The following SEL1L3 variants were observed in gnomAD, a reference collection of about 807,000 sequenced individuals.
SEL1L3 encodes protein sel-1 homolog 3.
Under a neutral mutation model 142.8 loss-of-function variants are expected in SEL1L3, and 76 were observed. The observed-to-expected ratio is 0.53, with a 90% confidence interval of 0.44 to 0.64. The LOEUF is 0.64. Ranked by LOEUF, SEL1L3 falls within the 30% of genes least tolerant of loss-of-function variation. The pLI, the probability that SEL1L3 is intolerant of heterozygous loss-of-function variation, is 0.00. For synonymous variants in SEL1L3, 504 were observed against 519.6 expected (o/e 0.97, Z 0.41); for missense variants, 1,262 against 1,381.7 (o/e 0.91, Z 1.37).
intron 1 of SEL1L3, among the ~76,000 whole-genome samples, chr4:25,849,758 C>T (rs1483056347): frequency 1.3e-5 from 2 of 152,176 alleles, no homozygotes; most frequent in Non-Finnish European, 2.9e-5. Flanking sequence ...AATAAGGACT[C>T]CTTTTTTCAA....
chr4:25,739,477 A>C, the SEL1L3 span, among the ~76,000 whole-genome samples: 6 of 151,960 alleles, frequency 3.9e-5, no homozygotes, highest in Admixed American at 3.3e-4. Flanking sequence ...GAGGCCGAGG[A>C]GGGTAGATCA....
chr4:25,791,096 A>T (rs1478287024), intron 11 of SEL1L3, among the ~76,000 whole-genome samples: 1 of 152,234 alleles, frequency 6.6e-6, no homozygotes, highest in Non-Finnish European at 1.5e-5. Flanking sequence ...ACTTCGTGCA[A>T]CTGATTTCAG....
chr4:25,727,059 CT>C, the SEL1L3 span, among the ~76,000 whole-genome samples: 24 of 145,024 alleles, frequency 1.7e-4, no homozygotes, highest in Admixed American at 3.5e-4. Flanking sequence ...TTTTAATTTT[CT>C]TTTTTTTTTT....
rs183406145 is a variant in SEL1L3, at chr4:25,861,416, T to C, written c.162+1259A>G. ...TCAACAGGTAGATGCACAGGCAGAA[T>C]TATAATTTGCATTTTTACACCTTCT... On this transcript the variant is annotated intron_variant, in intron 1 of 23. Coordinates refer to ENST00000399878, the MANE Select transcript of SEL1L3 (RefSeq NM_015187.5). Among the ~76,000 whole-genome samples the C allele has an allele frequency of 2.3e-4, 35 of 152,324 alleles. No homozygotes were observed. In the East Asian group the frequency reaches 6.6e-3, roughly 29 times the overall value.
At chr4:25,742,643 T>C (rs950206913), downstream of SEL1L3, among the ~76,000 whole-genome samples, 1 of 152,224 alleles carries the variant, frequency 6.6e-6, no homozygotes, top group Non-Finnish European at 1.5e-5. Flanking sequence ...AATGAGTTCA[T>C]AGTTTGGTTA....
At chr4:25,741,732 G>A in the SEL1L3 span, among the ~76,000 whole-genome samples, 1 of 151,916 alleles carries the variant, frequency 6.6e-6, no homozygotes, top group Non-Finnish European at 1.5e-5. Context: ...AGAGAAATCT[G>A]TATTTTTATA....
At chr4:25,814,656 TGGA>T (rs1266214703) in intron 9 of SEL1L3, among the ~76,000 whole-genome samples, 2 of 149,604 alleles carry the variant, frequency 1.3e-5, no homozygotes, top group African/African-American at 5.1e-5. Flanking sequence ...AGGAAGAACT[TGGA>T]ACGAAGGGTA....
intron 9 of SEL1L3, among the ~76,000 whole-genome samples, chr4:25,812,698 G>A (rs1050436092): frequency 2.1e-5 from 3 of 141,598 alleles, no homozygotes; most frequent in African/African-American, 8.0e-5. Flanking sequence ...GGCAACAAGA[G>A]TGAAACTCTG....
chr4:25,805,818 C>T (rs919783568), intron 9 of SEL1L3, among the ~76,000 whole-genome samples: 1 of 152,192 alleles, frequency 6.6e-6, no homozygotes, highest in African/African-American at 2.4e-5. Context: ...ATACTATTTA[C>T]ATTTAACTTA....
intron 9 of SEL1L3, among the ~76,000 whole-genome samples, chr4:25,814,984 G>C (rs1225088589): frequency 1.3e-5 from 2 of 152,106 alleles, no homozygotes; most frequent in Non-Finnish European, 2.9e-5. Flanking sequence ...GTGACCTAGA[G>C]AAAGAGGTGC....
At chr4:25,778,319 A>T (rs1264469168) in intron 16 of SEL1L3, among the ~76,000 whole-genome samples, 5 of 152,220 alleles carry the variant, frequency 3.3e-5, no homozygotes, top group African/African-American at 1.2e-4. Context: ...GATGTCACCA[A>T]GAAGGTTAAA....
At chr4:25,837,018 A>T (rs1333462395) in intron 2 of SEL1L3, among the ~76,000 whole-genome samples, 2 of 152,126 alleles carry the variant, frequency 1.3e-5, no homozygotes, top group Non-Finnish European at 2.9e-5. Flanking sequence ...ACAAGTAGAG[A>T]TGCATTTGGA....
At chr4:25,845,399 G>T (rs575840404) in intron 2 of SEL1L3, among the ~76,000 whole-genome samples, 1 of 152,310 alleles carries the variant, frequency 6.6e-6, no homozygotes, top group Non-Finnish European at 1.5e-5. Flanking sequence ...AGGAGGCTGA[G>T]GTGGGAGGAT....
the SEL1L3 span, among the ~76,000 whole-genome samples, chr4:25,742,337 C>A: frequency 6.6e-6 from 1 of 152,022 alleles, no homozygotes; most frequent in Non-Finnish European, 1.5e-5. Flanking sequence ...AGACATGCAC[C>A]ACCACAGCCG....
intron 1 of SEL1L3, chr4:25,861,720 T>G (rs1049988872): frequency 6.6e-6 from 1 of 151,720 alleles, no homozygotes; most frequent in Admixed American, 6.6e-5. Flanking sequence ...TACAGTAATA[T>G]ATGGCGAGAT....
At chr4:25,814,975 T>C (rs2109247643) in intron 9 of SEL1L3, among the ~76,000 whole-genome samples, 1 of 152,246 alleles carries the variant, frequency 6.6e-6, no homozygotes, top group South Asian at 2.1e-4. Flanking sequence ...CCTTCCAATG[T>C]GACCTAGAGA....
At chr4:25,850,061 G>T (rs891395998) in intron 1 of SEL1L3, among the ~76,000 whole-genome samples, 2 of 152,186 alleles carry the variant, frequency 1.3e-5, no homozygotes, top group Non-Finnish European at 2.9e-5. Context: ...GCATAAGCCG[G>T]GCAAGAGGCA....
At chr4:25,793,561 C>G (rs1482269259) in intron 11 of SEL1L3, among the ~76,000 whole-genome samples, 1 of 152,104 alleles carries the variant, frequency 6.6e-6, no homozygotes, top group Non-Finnish European at 1.5e-5. Context: ...CTGGCCTGCC[C>G]CACTGCCCTG....
chr4:25,809,405 A>G (rs1399754414), intron 9 of SEL1L3, among the ~76,000 whole-genome samples: 1 of 151,478 alleles, frequency 6.6e-6, no homozygotes. Flanking sequence ...TCTGCCTACC[A>G]AAGTGCTGGG....
Sources: gnomAD v4.1 joint callset for allele counts (sites outside exome capture counted in the v4.1 genomes callset) on GRCh38, gnomAD v4.1.1 for gene constraint, MANE v1.5 for transcripts, NCBI Gene and HGNC (gene_info 2026-07-23, HGNC 2026-07-21) for gene names.